The following PHF20L1 variants were observed in gnomAD, a reference collection of about 807,000 sequenced individuals.
PHF20L1 encodes the protein PHD finger protein 20 like 1.
A neutral mutation model predicts 125.5 loss-of-function variants in PHF20L1; 44 were observed. That is an observed-to-expected ratio of 0.35 (90% CI 0.28 to 0.45). The LOEUF is 0.45. Among genes scored for constraint, PHF20L1 ranks in the 20% least tolerant of loss-of-function variants. The pLI is 1.00. For synonymous variants in PHF20L1, 380 were observed against 403.1 expected, an observed-to-expected ratio of 0.94 and a Z score of 0.69; for missense variants, 1,012 against 1,217.2, an observed-to-expected ratio of 0.83 and a Z score of 2.51.
At chr8:132,837,015 G>T (rs1837432200) in intron 16 of PHF20L1, among the ~76,000 whole-genome samples, 1 of 152,102 alleles carries the variant, frequency 6.6e-6, no homozygotes, top group Admixed American at 6.6e-5. Flanking sequence ...GCAGGCTACA[G>T]CAACCTTTCT....
At chr8:132,839,286 A>C in intron 17 of PHF20L1, 101 bp from the exon 18 acceptor site, 38 of 851,174 alleles carry the variant, frequency 4.5e-5, no homozygotes, top group Non-Finnish European at 6.6e-5. Flanking sequence ...TCCTAGTGCT[A>C]GAGCTTGCCT....
chr8:132,776,882 TTATCTCAAAATG>T (rs1258230226), intron 1 of PHF20L1, among the ~76,000 whole-genome samples: 1 of 152,194 alleles, frequency 6.6e-6, no homozygotes, highest in African/African-American at 2.4e-5. Flanking sequence ...TTTGATTAGG[TTATCTCAAAATG>T]TATTCATATT....
intron 17 of PHF20L1, among the ~76,000 whole-genome samples, chr8:132,838,911 G>T (rs1247835776): frequency 6.6e-6 from 1 of 152,118 alleles, no homozygotes; most frequent in Non-Finnish European, 1.5e-5. Context: ...GTTGTAATAG[G>T]ATCTAATTTA....
chr8:132,783,607 A>G lies in PHF20L1; in HGVS notation c.83+5696A>G, dbSNP rs115920361. Among the ~76,000 whole-genome samples, 1,357 of 152,256 alleles carry G rather than the reference A, an allele frequency of 8.9e-3. 16 individuals carry two copies. Among genetic ancestry groups the G allele is most frequent in the African/African-American group, 0.031 (1,272 of 41,552 alleles). On this transcript the variant is annotated intron_variant, in intron 2 of 20. Coordinates refer to ENST00000395386, the MANE Select transcript of PHF20L1 (RefSeq NM_016018.5). ...ACATGTAGATCAAATATAGCATTGT[A>G]GGAACACCAGGTGAATACTTCAAAA... is the stretch of plus-strand genomic sequence containing the variant.
At chr8:132,798,723 G>C (rs1374408141) in intron 4 of PHF20L1, 49 bp from the exon 5 acceptor site, 2 of 1,217,906 alleles carry the variant, frequency 1.6e-6, no homozygotes, top group East Asian at 4.9e-5. Context: ...AAGTGTTGCT[G>C]TAAACTTGAA....
chr8:132,844,308 A>C lies in PHF20L1; in HGVS notation c.2901A>C (p.Lys967Asn). ...CCAGCAGGATGGACCTAATAGAAAA[A>C]GAAGTCGATGGTAATTTAAGAAAGA... is the stretch of plus-strand genomic sequence containing the variant. ...EVTSRMDLIE[K>N]EVDVLESWLD... is the part of the protein sequence containing the mutation. The change falls in exon 20 of 21, where the codon AAA (lysine) becomes AAC (asparagine). Residue 967 changes from lysine to asparagine, a missense_variant. Lys to Asn is a moderately conservative substitution (Grantham distance 94, BLOSUM62 0). Around this residue, in one of 7 missense-constraint regions of PHF20L1, gnomAD observed 277 missense variants for 283.6 expected, o/e 0.98. Transcript: ENST00000395386. 1 of 1,605,640 alleles carries C rather than the reference A, an allele frequency of 6.2e-7. No individual in the cohort carries two copies. Among genetic ancestry groups the C allele is most frequent in the East Asian group, 2.2e-5 (1 of 44,828 alleles).
chr8:132,812,885 T>A (rs1834554721), intron 9 of PHF20L1: 1 of 980,662 alleles, frequency 1.0e-6, no homozygotes, highest in South Asian at 4.7e-5. Flanking sequence ...TGGACTTATT[T>A]ATATTTTTTA....
chr8:132,825,273 A>G lies in PHF20L1; in HGVS notation c.1646A>G (p.Lys549Arg). Residue 549 changes from lysine to arginine, a missense_variant, in exon 14 of 21, where the codon AAA becomes AGA. By Grantham distance (26) the Lys-to-Arg change is conservative. This residue lies in a region of PHF20L1 where 320 missense variants were observed against 293.8 expected (regional missense o/e 1.09). Coordinates refer to ENST00000395386, the MANE Select transcript of PHF20L1 (RefSeq NM_016018.5). ...CACTTTTATCTTTTAGGTAAGAGAAAAGAAAAAGATAAGGAAAGAAGAGAG... is the reference window on the plus strand; with the variant it reads ...CACTTTTATCTTTTAGGTAAGAGAAGAGAAAAAGATAAGGAAAGAAGAGAG... Reference protein sequence around the residue: ...DKSSTAFGKRKEKDKERREKR... With the variant: ...DKSSTAFGKRREKDKERREKR... The G allele has an allele frequency of 6.3e-7, 1 of 1,577,700 alleles. No individual in the cohort carries two copies.
chr8:132,845,813 T>C lies in PHF20L1; in HGVS notation c.2944T>C (p.Leu982=), dbSNP rs866088044. Residue 982 remains leucine (L), a synonymous_variant, in exon 21 of 21, where the codon TTG becomes CTG. Transcript: ENST00000395386. The part of the protein sequence containing the change: ...LESWLDFTGE[L]EPPDPLARLP... ...AAGCTGGCTTGATTTCACAGGGGAG[T>C]TGGAGCCACCAGATCCTCTTGCAAG... 4 of 1,610,972 alleles carry C rather than the reference T, an allele frequency of 2.5e-6. No individual in the cohort carries two copies. Among genetic ancestry groups the C allele is most frequent in the East Asian group, 2.2e-5 (1 of 44,844 alleles).
intron 11 of PHF20L1, 82 bp from the exon 12 acceptor site, chr8:132,817,257 A>G: frequency 1.6e-6 from 2 of 1,219,066 alleles, no homozygotes; most frequent in South Asian, 1.4e-5. Flanking sequence ...TGTTTAAATT[A>G]TGTAACACTT....
chr8:132,790,204 T>C (rs1326673932), intron 2 of PHF20L1, among the ~76,000 whole-genome samples: 1 of 152,200 alleles, frequency 6.6e-6, no homozygotes, highest in East Asian at 1.9e-4. Flanking sequence ...AAATAGTGCA[T>C]CAAAATCATA....
chr8:132,779,827 G>T (rs1376615873), intron 2 of PHF20L1, among the ~76,000 whole-genome samples: 1 of 152,092 alleles, frequency 6.6e-6, no homozygotes, highest in Non-Finnish European at 1.5e-5. Flanking sequence ...TAGAATACTT[G>T]GAATTTCAGA....
intron 11 of PHF20L1, 52 bp from the exon 12 acceptor site, chr8:132,817,287 C>G: frequency 1.4e-6 from 2 of 1,445,342 alleles, no homozygotes; most frequent in Non-Finnish European, 1.9e-6. Flanking sequence ...GTGATAGTAA[C>G]TGAGCCATTT....
chr8:132,803,628 C>A, intron 6 of PHF20L1, 191 bp from the exon 7 acceptor site: 1 of 544,954 alleles, frequency 1.8e-6, no homozygotes. Context: ...GTTATGCAAT[C>A]TAACTCATTT....
rs765178242 is a variant in PHF20L1 at position 132,814,748 on chromosome 8, C to T, written c.1042C>T (p.Arg348Cys). 34 of 1,612,792 alleles carry T rather than the reference C, an allele frequency of 2.1e-5. No individual in the cohort carries two copies. Among genetic ancestry groups the T allele is most frequent in the Non-Finnish European group, 2.7e-5 (32 of 1,179,228 alleles). ...LSSTLSSGKA[R>C]SKKCKHESGD... ...CTCAACTTTGTCTTCAGGGAAGGCT[C>T]GCAGCAAGAAATGCAAACATGAATC... Residue 348 changes from arginine (R) to cysteine (C), a missense_variant, in exon 10 of 21, where the codon CGC becomes TGC. Around this residue, in one of 7 missense-constraint regions of PHF20L1, gnomAD observed 119 missense variants for 160.2 expected, o/e 0.74. Coordinates refer to ENST00000395386, the MANE Select transcript of PHF20L1 (RefSeq NM_016018.5).
chr8:132,812,823 C>G (rs553016000), intron 9 of PHF20L1: 1 of 976,798 alleles, frequency 1.0e-6, no homozygotes, highest in East Asian at 1.1e-4. Flanking sequence ...AAAGTAATGT[C>G]ACTCATGACA....
chr8:132,810,673 T>C (rs573676894), intron 8 of PHF20L1: 61 of 163,394 alleles, frequency 3.7e-4, no homozygotes, highest in South Asian at 1.7e-3. Context: ...TTCTGTCTTA[T>C]TCTGTTTTTA....
At chr8:132,836,493 T>G in intron 15 of PHF20L1, 47 bp from the exon 16 acceptor site, 3 of 1,283,366 alleles carry the variant, frequency 2.3e-6, no homozygotes, top group Non-Finnish European at 3.3e-6. Context: ...AAAAATAACA[T>G]GAAAATAGAA....
At chr8:132,818,159 T>C (rs927595173) in intron 12 of PHF20L1, 3 of 152,030 alleles carry the variant, frequency 2.0e-5, no homozygotes, top group Non-Finnish European at 4.4e-5. Flanking sequence ...TCTAATAATA[T>C]CTATTCATGT....
Sources: gnomAD v4.1 joint callset for allele counts (sites outside exome capture counted in the v4.1 genomes callset) on GRCh38, gnomAD v4.1.1 for gene constraint, gnomAD v4.1.1 regional missense constraint, MANE v1.5 for transcripts, NCBI Gene and HGNC (gene_info 2026-07-23, HGNC 2026-07-21) for gene names.